SHISAL1: variants seen among roughly 807,000 people sequenced by gnomAD.
SHISAL1 encodes the protein shisa like 1.
Under a neutral mutation model 22.6 loss-of-function variants are expected in SHISAL1, and 9 were observed. The ratio of observed to expected loss-of-function variants is 0.40; its 90% CI spans 0.24 to 0.70. SHISAL1 has a LOEUF of 0.70. SHISAL1 is among the 30% of genes least tolerant of loss of function. The pLI, the probability that SHISAL1 is intolerant of heterozygous loss-of-function variation, is 0.39. For synonymous variants in SHISAL1, 119 were observed against 115.4 expected, an observed-to-expected ratio of 1.03 and a Z score of -0.20; for missense variants, 246 against 270.6, an observed-to-expected ratio of 0.91 and a Z score of 0.64.
intron 1 of SHISAL1, among the ~76,000 whole-genome samples, chr22:44,305,526 GT>G (rs2055464336): frequency 6.6e-6 from 1 of 152,254 alleles, no homozygotes; most frequent in Non-Finnish European, 1.5e-5. Flanking sequence ...AGACAACGTG[GT>G]TCTAGGAAAG....
chr22:44,296,935 G>T, intron 2 of SHISAL1, 50 bp from the exon 3 acceptor site: 2 of 1,462,714 alleles, frequency 1.4e-6, no homozygotes, highest in South Asian at 1.2e-5. Flanking sequence ...CAGTCCACGG[G>T]TGCCAAGAGG....
chr22:44,277,064 C>G (rs2018067), intron 4 of SHISAL1, among the ~76,000 whole-genome samples: 5,845 of 152,296 alleles, frequency 0.038, 418 homozygotes, highest in African/African-American at 0.14. Flanking sequence ...TGGCGAACTC[C>G]TATTCATCCA....
At chr22:44,302,457 G>A (rs1180629662) in intron 1 of SHISAL1, among the ~76,000 whole-genome samples, 5 of 152,198 alleles carry the variant, frequency 3.3e-5, no homozygotes, top group Non-Finnish European at 5.9e-5. Context: ...AAAACAAGGC[G>A]TGTCTGGGGA....
intron 3 of SHISAL1, among the ~76,000 whole-genome samples, chr22:44,287,481 A>G (rs1481049954): frequency 6.6e-6 from 1 of 152,160 alleles, no homozygotes; most frequent in Non-Finnish European, 1.5e-5. Context: ...GCTGTAGGCC[A>G]GTGCTTAGGC....
At chr22:44,321,953 G>A in the SHISAL1 span, among the ~76,000 whole-genome samples, 3 of 152,184 alleles carry the variant, frequency 2.0e-5, no homozygotes, top group African/African-American at 2.4e-5. Context: ...GAAGGAAACC[G>A]AGGCAGACAG....
chr22:44,307,951 A>G (rs2055491100), intron 1 of SHISAL1, among the ~76,000 whole-genome samples: 1 of 152,118 alleles, frequency 6.6e-6, no homozygotes, highest in African/African-American at 2.4e-5. Flanking sequence ...CCCCTACAGC[A>G]CTGGGGGCTT....
intron 4 of SHISAL1, 22 bp downstream of exon 4, chr22:44,285,406 G>T: frequency 6.2e-7 from 1 of 1,611,470 alleles, no homozygotes. Flanking sequence ...AATCATTCTG[G>T]GTCTCAATTG....
At chr22:44,323,163 CCATCCATCCATT>C in the SHISAL1 span, among the ~76,000 whole-genome samples, 2 of 147,014 alleles carry the variant, frequency 1.4e-5, no homozygotes, top group South Asian at 2.3e-4. Flanking sequence ...ATTCATCCAT[CCATCCATCCATT>C]CATCCATCCA....
upstream of SHISAL1, among the ~76,000 whole-genome samples, chr22:44,316,946 G>C (rs1043105773): frequency 6.6e-6 from 1 of 152,234 alleles, no homozygotes; most frequent in African/African-American, 2.4e-5. Flanking sequence ...AGCAGCTGCT[G>C]TTTCAACCAG....
At chr22:44,262,605 A>G (rs1694135983) in intron 4 of SHISAL1, among the ~76,000 whole-genome samples, 1 of 152,234 alleles carries the variant, frequency 6.6e-6, no homozygotes, top group South Asian at 2.1e-4. Flanking sequence ...AGAACTGCAT[A>G]TCTAGCTAGC....
In SHISAL1 at chr22:44,244,504, G is replaced by A. The variant is rs1350197780; in HGVS notation, c.*5181C>T. On this transcript the variant is annotated 3_prime_UTR_variant, in exon 5 of 5. Coordinates refer to ENST00000381176, the MANE Select transcript of SHISAL1 (RefSeq NM_001099294.2). ...TAAAGATAGGAGTTTTAGGTACAGA[G>A]TAACTAACAGTCAAATCTGCTCATT... 2.0e-5 allele frequency: 3 copies of A among 152,184 alleles called. No individual in the cohort carries two copies. The highest frequency in any genetic ancestry group is 7.2e-5 in the African/African-American group (3 of 41,440). The allele number at this position is 152,184 out of a possible 1,614,324, so 9.4% of individuals were successfully genotyped here.
intron 4 of SHISAL1, among the ~76,000 whole-genome samples, chr22:44,259,717 G>A (rs1250956296): frequency 6.6e-6 from 1 of 152,176 alleles, no homozygotes; most frequent in Non-Finnish European, 1.5e-5. Flanking sequence ...TAGAGGAGAT[G>A]ACCCAAGGTT....
chr22:44,327,809 G>A, the SHISAL1 span, among the ~76,000 whole-genome samples: 1 of 152,194 alleles, frequency 6.6e-6, no homozygotes, highest in South Asian at 2.1e-4. Flanking sequence ...ACCAGGGTGG[G>A]CAGGGCCTCG....
the SHISAL1 span, among the ~76,000 whole-genome samples, chr22:44,322,942 C>T: frequency 6.6e-6 from 1 of 151,996 alleles, no homozygotes; most frequent in Non-Finnish European, 1.5e-5. Flanking sequence ...TCTGTCCGTC[C>T]ACCCATCCAT....
chr22:44,319,972 C>T, the SHISAL1 span, among the ~76,000 whole-genome samples: 3 of 152,120 alleles, frequency 2.0e-5, no homozygotes, highest in East Asian at 1.9e-4. Flanking sequence ...TCCAATCCCA[C>T]CTCCATCTCT....
intron 3 of SHISAL1, among the ~76,000 whole-genome samples, chr22:44,295,226 A>G (rs1185518160): frequency 6.6e-6 from 1 of 152,068 alleles, no homozygotes; most frequent in East Asian, 1.9e-4. Flanking sequence ...CTCTACCTCA[A>G]TACTCAGATT....
chr22:44,317,905 G>C (rs780608671), upstream of SHISAL1, among the ~76,000 whole-genome samples: 9 of 152,378 alleles, frequency 5.9e-5, no homozygotes, highest in Middle Eastern at 6.8e-3. Flanking sequence ...CAACAGGATG[G>C]CTAATGAACA....
chr22:44,276,036 C>T (rs1362648997), intron 4 of SHISAL1, among the ~76,000 whole-genome samples: 1 of 152,212 alleles, frequency 6.6e-6, no homozygotes, highest in Non-Finnish European at 1.5e-5. Context: ...CCAACTCTCC[C>T]GCGTTTTCCA....
At chr22:44,295,429 AAAAT>A (rs2055378785) in intron 3 of SHISAL1, among the ~76,000 whole-genome samples, 2 of 152,232 alleles carry the variant, frequency 1.3e-5, no homozygotes, top group Non-Finnish European at 2.9e-5. Context: ...ATTAAAACGT[AAAAT>A]AATTAGGAGA....
Sources: gnomAD v4.1 joint callset for allele counts (sites outside exome capture counted in the v4.1 genomes callset) on GRCh38, gnomAD v4.1.1 for gene constraint, MANE v1.5 for transcripts, NCBI Gene and HGNC (gene_info 2026-07-23, HGNC 2026-07-21) for gene names.